Variants in ANGPT1 observed in about 807,000 individuals in gnomAD.
ANGPT1 encodes angiopoietin 1, also known as angiopoietin-1.
In ANGPT1, 17 loss-of-function variants were observed where a neutral mutation model predicts 62.2. That is an observed-to-expected ratio of 0.27 (90% CI 0.19 to 0.41). The LOEUF (loss-of-function observed/expected upper bound fraction) is 0.41. ANGPT1 is among the 10% of genes least tolerant of loss of function. ANGPT1 has a pLI of 1.00. For missense variants in ANGPT1, 478 were observed against 594.9 expected (o/e 0.80, Z 2.04); for synonymous variants, 199 against 198.9 (o/e 1.00, Z 0.00).
chr8:107,330,627 G>A (rs1272027948), intron 3 of ANGPT1, among the ~76,000 whole-genome samples: 2 of 152,110 alleles, frequency 1.3e-5, no homozygotes, highest in Admixed American at 6.6e-5. Flanking sequence ...GACTGGAGTG[G>A]CACATAGCTT....
intron 1 of ANGPT1, among the ~76,000 whole-genome samples, chr8:107,484,773 T>C (rs1812774842): frequency 6.6e-6 from 1 of 152,214 alleles, no homozygotes; most frequent in Admixed American, 6.5e-5. Context: ...GCAGATAAAT[T>C]ATTTTGTGCC....
intron 1 of ANGPT1, among the ~76,000 whole-genome samples, chr8:107,382,324 G>T (rs552023899): frequency 1.3e-5 from 2 of 151,962 alleles, no homozygotes; most frequent in Non-Finnish European, 2.9e-5. Context: ...TTACAAAAAT[G>T]CAGAATATTT....
chr8:107,347,915 A>C (rs1424538092), intron 1 of ANGPT1, among the ~76,000 whole-genome samples: 2 of 152,178 alleles, frequency 1.3e-5, no homozygotes, highest in African/African-American at 4.8e-5. Context: ...GAGAATCATT[A>C]AGTGACTTAC....
chr8:107,432,738 A>G (rs572794260), intron 1 of ANGPT1, among the ~76,000 whole-genome samples: 3 of 152,086 alleles, frequency 2.0e-5, no homozygotes, highest in South Asian at 2.1e-4. Flanking sequence ...TGCTTAATGT[A>G]TTAGATATCT....
intron 2 of ANGPT1, among the ~76,000 whole-genome samples, chr8:107,341,191 T>C (rs1329377408): frequency 6.6e-6 from 1 of 152,200 alleles, no homozygotes; most frequent in Non-Finnish European, 1.5e-5. Flanking sequence ...CAATAGGAAG[T>C]GACCAGTAAT....
At chr8:107,306,995 T>G (rs940265408) in intron 4 of ANGPT1, among the ~76,000 whole-genome samples, 6 of 152,116 alleles carry the variant, frequency 3.9e-5, no homozygotes, top group African/African-American at 1.4e-4. Context: ...GAGGGCTGTA[T>G]CTATCTCTCA....
At position 107,370,376 on chromosome 8, in the gene ANGPT1, G is replaced by GAAA. The variant is rs1200807725; in HGVS notation, c.298-23282_298-23280dup. Among the ~76,000 whole-genome samples the GAAA allele has an allele frequency of 6.8e-3, 309 of 45,156 alleles. 39 individuals are homozygous for GAAA. The highest frequency in any genetic ancestry group is 0.018 in the East Asian group (12 of 668). The allele number at this position is 45,156 out of a possible 152,430, so 29.6% of individuals were successfully genotyped here. On this transcript the variant is annotated intron_variant, in intron 1 of 8. Coordinates refer to ENST00000517746, the MANE Select transcript of ANGPT1 (RefSeq NM_001146.5). ...AGAAAGAAAGAAAGAAAGAAAGAAA[G>GAAA]AAAGAAAGAAAGAAAGAAAGAAAGA...
At chr8:107,254,366 G>A (rs1813311438) in intron 8 of ANGPT1, among the ~76,000 whole-genome samples, 1 of 151,920 alleles carries the variant, frequency 6.6e-6, no homozygotes, top group African/African-American at 2.4e-5. Flanking sequence ...CTTCTAATGG[G>A]AGAAACAGAT....
intron 1 of ANGPT1, among the ~76,000 whole-genome samples, chr8:107,457,525 C>T (rs1259228513): frequency 1.3e-5 from 2 of 151,814 alleles, no homozygotes; most frequent in African/African-American, 4.8e-5. Context: ...AACCTAAACA[C>T]TCCAAATTAG....
chr8:107,391,021 T>C (rs1392847768), intron 1 of ANGPT1, among the ~76,000 whole-genome samples: 3 of 152,210 alleles, frequency 2.0e-5, no homozygotes. Flanking sequence ...TTTGCTATCA[T>C]TAAACATTTT....
chr8:107,357,848 T>C (rs1051433178), intron 1 of ANGPT1, among the ~76,000 whole-genome samples: 1 of 152,188 alleles, frequency 6.6e-6, no homozygotes. Flanking sequence ...TGGTATTTTG[T>C]ATGAAATTGG....
At chr8:107,318,655 G>A (rs1385983567) in intron 4 of ANGPT1, among the ~76,000 whole-genome samples, 1 of 151,942 alleles carries the variant, frequency 6.6e-6, no homozygotes, top group African/African-American at 2.4e-5. Context: ...ACTTGTTTAT[G>A]TATGTATTTA....
intron 1 of ANGPT1, among the ~76,000 whole-genome samples, chr8:107,472,032 A>G (rs1306705921): frequency 6.6e-6 from 1 of 151,920 alleles, no homozygotes; most frequent in African/African-American, 2.4e-5. Context: ...TTTTTTGATG[A>G]CCTAAACATT....
At chr8:107,322,716 C>T (rs1041162586) in intron 3 of ANGPT1, 1 of 324,186 alleles carries the variant, frequency 3.1e-6, no homozygotes, top group Admixed American at 4.5e-5. Flanking sequence ...AGAAAAAAAT[C>T]TCTTATTTTG....
intron 3 of ANGPT1, among the ~76,000 whole-genome samples, chr8:107,330,438 T>G (rs555790158): frequency 1.3e-5 from 2 of 152,272 alleles, no homozygotes; most frequent in South Asian, 4.1e-4. Context: ...AATAAGATTA[T>G]TGGAAGTAAG....
intron 1 of ANGPT1, among the ~76,000 whole-genome samples, chr8:107,444,775 CA>C (rs1186804558): frequency 3.3e-5 from 5 of 152,132 alleles, no homozygotes; most frequent in African/African-American, 1.2e-4. Flanking sequence ...GCATGTAAGA[CA>C]ATGATTTCTA....
chr8:107,347,108 T>C lies in ANGPT1; in HGVS notation c.298-11A>G, dbSNP rs1044945641. The C allele has an allele frequency of 2.5e-6, 4 of 1,611,592 alleles. No homozygotes were observed. In the East Asian group the frequency reaches 8.9e-5, roughly 36 times the overall value. ...AATGTAATTCTCAAGCTGCAAGAGA[T>C]AAAGAACAAAACATATTACATTATA... On this transcript the variant is annotated splice_polypyrimidine_tract_variant and intron_variant, in intron 1 of 8. Coordinates refer to ENST00000517746, the MANE Select transcript of ANGPT1 (RefSeq NM_001146.5).
At chr8:107,458,027 G>C (rs915355565) in intron 1 of ANGPT1, among the ~76,000 whole-genome samples, 2 of 151,930 alleles carry the variant, frequency 1.3e-5, no homozygotes, top group African/African-American at 2.4e-5. Context: ...TAAAATAAAA[G>C]GCCATCTGAT....
intron 1 of ANGPT1, among the ~76,000 whole-genome samples, chr8:107,363,481 T>C (rs1202611038): frequency 1.3e-5 from 2 of 152,152 alleles, no homozygotes; most frequent in Non-Finnish European, 2.9e-5. Context: ...AGAAGCAGTG[T>C]TTGAGAAAGA....
Sources: gnomAD v4.1 joint callset for allele counts (sites outside exome capture counted in the v4.1 genomes callset) on GRCh38, gnomAD v4.1.1 for gene constraint, MANE v1.5 for transcripts, NCBI Gene and HGNC (gene_info 2026-07-23, HGNC 2026-07-21) for gene names.